The following HLCS variants were observed in gnomAD, a reference collection of about 807,000 sequenced individuals.
HLCS encodes biotin--protein ligase.
HLCS carries 53 observed loss-of-function variants against 75.0 expected under a neutral mutation model. The observed-to-expected ratio is 0.71, with a 90% CI of 0.57 to 0.89. The LOEUF is 0.89. Among genes scored for constraint, HLCS ranks in the 40% least tolerant of loss-of-function variants. The pLI is 0.00. For synonymous variants in HLCS, 431 were observed against 428.6 expected (o/e 1.01, Z -0.07); for missense variants, 966 against 1,074.0 (o/e 0.90, Z 1.41).
intron 1 of HLCS, chr21:36,972,217 G>A (rs1045576270): frequency 6.6e-6 from 1 of 152,214 alleles, no homozygotes; most frequent in African/African-American, 2.4e-5. Context: ...ATCAGTCTAT[G>A]TGGGAGCTAC....
chr21:36,828,950 T>C (rs1243275514), intron 6 of HLCS, among the ~76,000 whole-genome samples: 1 of 152,130 alleles, frequency 6.6e-6, no homozygotes, highest in African/African-American at 2.4e-5. Flanking sequence ...TCAAGGAAAA[T>C]GCAGGATTAA....
chr21:36,942,398 CAAAAAAAAAAAAAAAAAAA>C (rs55999516), intron 2 of HLCS, among the ~76,000 whole-genome samples: 1 of 80,974 alleles, frequency 1.2e-5, no homozygotes, highest in Non-Finnish European at 2.4e-5. Context: ...GACTCCGTCT[CAAAAAAAAAAAAAAAAAAA>C]AAAAAAAAAA....
chr21:36,980,280 G>GA (rs1366062249), intron 1 of HLCS: 1 of 151,834 alleles, frequency 6.6e-6, no homozygotes, highest in African/African-American at 2.4e-5. Context: ...CCTAAACAGA[G>GA]AATTAGCCCG....
chr21:36,937,142 G>C lies in HLCS; in HGVS notation c.744C>G (p.Leu248=), dbSNP rs764416032. 1.9e-6 allele frequency: 3 copies of C among 1,614,050 alleles called. No homozygotes were observed. Among genetic ancestry groups the C allele is most frequent in the Admixed American group, 1.7e-5 (1 of 59,994 alleles). The change falls in exon 4 of 11, where the codon CTC becomes CTG. Residue 248 remains leucine, a synonymous_variant. Coordinates refer to ENST00000674895, the MANE Select transcript of HLCS (RefSeq NM_001352514.2). ...GACACTCGTGGCAACTAGACAGATGGAGGTGATAATGCTCAACGGGGCCCC... is the reference window on the plus strand; with the variant it reads ...GACACTCGTGGCAACTAGACAGATGCAGGTGATAATGCTCAACGGGGCCCC... ...RGGGPVEHYH[L]HLSSCHECLE...
intron 5 of HLCS, among the ~76,000 whole-genome samples, chr21:36,918,493 G>A (rs998089780): frequency 6.6e-6 from 1 of 152,198 alleles, no homozygotes; most frequent in Non-Finnish European, 1.5e-5. Flanking sequence ...AATCTGCTGA[G>A]CAGCTGCTCT....
intron 5 of HLCS, among the ~76,000 whole-genome samples, chr21:36,917,392 TC>T (rs1197886894): frequency 6.6e-6 from 1 of 152,148 alleles, no homozygotes; most frequent in Admixed American, 6.5e-5. Flanking sequence ...CATGGAGCCA[TC>T]CCTCCACAGA....
chr21:36,888,473 TATATATATATATATATA>T (rs2064614360), intron 6 of HLCS, among the ~76,000 whole-genome samples: 1 of 123,974 alleles, frequency 8.1e-6, no homozygotes, highest in African/African-American at 3.2e-5. Context: ...TATATATATA[TATATATATATATATATA>T]TATATATTTA....
At chr21:36,758,475 G>A (rs192633335) in intron 9 of HLCS, among the ~76,000 whole-genome samples, 9 of 152,076 alleles carry the variant, frequency 5.9e-5, no homozygotes, top group East Asian at 1.9e-4. Flanking sequence ...GGAGTGGCTC[G>A]ATCAAAGCTC....
intron 6 of HLCS, among the ~76,000 whole-genome samples, chr21:36,788,283 A>G (rs2060753837): frequency 6.6e-6 from 1 of 152,118 alleles, no homozygotes; most frequent in Non-Finnish European, 1.5e-5. Flanking sequence ...CGAGCTCATG[A>G]CTCAGCTGTG....
At chr21:36,778,128 C>A (rs1269521544) in intron 6 of HLCS, among the ~76,000 whole-genome samples, 1 of 151,980 alleles carries the variant, frequency 6.6e-6, no homozygotes, top group Non-Finnish European at 1.5e-5. Flanking sequence ...GCCACCACGC[C>A]CGGCTAATTT....
chr21:36,989,073 C>G (rs2069286686), intron 1 of HLCS, among the ~76,000 whole-genome samples: 1 of 150,596 alleles, frequency 6.6e-6, no homozygotes, highest in African/African-American at 2.4e-5. Context: ...GTCTCACTCC[C>G]TCACCCAGGC....
In HLCS at chr21:36,883,418, C is replaced by G. The variant is rs571464660; in HGVS notation, c.1892+13442G>C. 1.2e-4 allele frequency among the ~76,000 whole-genome samples: 19 copies of G among 152,318 alleles called. No individual in the cohort carries two copies. The South Asian group carries it at 3.9e-3, about 32-fold the overall frequency. On this transcript the variant is annotated intron_variant, in intron 6 of 10. Coordinates refer to ENST00000674895, the MANE Select transcript of HLCS (RefSeq NM_001352514.2). The stretch of plus-strand genomic sequence containing the variant: ...AAACATTGACAGATTTTGACTAAAA[C>G]ATATTTTTAAGCCGGAACTCAACCT...
At chr21:36,803,984 C>T (rs2061290165) in intron 6 of HLCS, 2 of 152,326 alleles carry the variant, frequency 1.3e-5, no homozygotes, top group Admixed American at 6.5e-5. Flanking sequence ...GTTTCCTTTT[C>T]ACTGTACCAA....
intron 1 of HLCS, among the ~76,000 whole-genome samples, chr21:36,988,695 A>AC (rs1416771965): frequency 2.6e-5 from 4 of 152,170 alleles, no homozygotes; most frequent in Non-Finnish European, 5.9e-5. Context: ...AGCATCTGTT[A>AC]CCCCACAGAC....
chr21:36,836,173 C>T (rs936651803), intron 6 of HLCS, among the ~76,000 whole-genome samples: 2 of 152,146 alleles, frequency 1.3e-5, no homozygotes, highest in Admixed American at 1.3e-4. Context: ...CACGGCCCCA[C>T]TTACACAGCT....
chr21:36,850,169 A>C (rs920372038), intron 6 of HLCS, among the ~76,000 whole-genome samples: 1 of 152,260 alleles, frequency 6.6e-6, no homozygotes, highest in Non-Finnish European at 1.5e-5. Flanking sequence ...TCAAAGGCTT[A>C]ACATTTTTTT....
At chr21:36,873,409 C>T (rs2063842401) in intron 6 of HLCS, among the ~76,000 whole-genome samples, 3 of 152,228 alleles carry the variant, frequency 2.0e-5, no homozygotes, top group Non-Finnish European at 1.5e-5. Flanking sequence ...AGCCACCACA[C>T]CCAGCCATTG....
intron 4 of HLCS, among the ~76,000 whole-genome samples, chr21:36,930,753 A>G (rs886436460): frequency 6.6e-6 from 1 of 152,206 alleles, no homozygotes; most frequent in African/African-American, 2.4e-5. Context: ...CCCACAAGAG[A>G]AAACTTGAAC....
At position 36,811,358 on chromosome 21, in the gene HLCS, A is replaced by G. The variant is rs574132790; in HGVS notation, c.1893-44073T>C. Among the ~76,000 whole-genome samples the G allele has an allele frequency of 3.3e-5, 5 of 152,320 alleles. No individual in the cohort carries two copies. The East Asian group carries it at 5.8e-4, about 18-fold the overall frequency. On this transcript the variant is annotated intron_variant, in intron 6 of 10. Transcript: ENST00000674895. ...TTTATCTTTTAGGATCATGAACAAT[A>G]TATATCACTTCATTTCTAGAAACTG...
Sources: gnomAD v4.1 joint callset for allele counts (sites outside exome capture counted in the v4.1 genomes callset) on GRCh38, gnomAD v4.1.1 for gene constraint, MANE v1.5 for transcripts, NCBI Gene and HGNC (gene_info 2026-07-23, HGNC 2026-07-21) for gene names.